Variants in VTI1A observed in about 807,000 individuals in gnomAD.
VTI1A encodes the protein vesicle transport through interaction with t-SNAREs 1A.
VTI1A carries 22 observed loss-of-function variants against 34.9 expected under a neutral mutation model. The ratio of observed to expected loss-of-function variants is 0.63; its 90% CI spans 0.45 to 0.90. The LOEUF is 0.90. VTI1A is among the 40% of genes least tolerant of loss of function. The pLI is 0.00. For synonymous variants in VTI1A, 87 were observed against 97.3 expected, an observed-to-expected ratio of 0.89 and a Z score of 0.62; for missense variants, 268 against 275.6, an observed-to-expected ratio of 0.97 and a Z score of 0.20.
At chr10:112,449,534 A>T (rs943122556) in intron 1 of VTI1A, 2 of 152,212 alleles carry the variant, frequency 1.3e-5, no homozygotes, top group Admixed American at 1.3e-4. Context: ...CAGACGGATC[A>T]CCTGAGGTCG....
chr10:112,830,835 ATATATATATATATAT>A, the VTI1A span, among the ~76,000 whole-genome samples: 1 of 45,756 alleles, frequency 2.2e-5, no homozygotes, highest in Admixed American at 2.8e-4. Flanking sequence ...ATATATATAT[ATATATATATATATAT>A]TTTTTTTTTT....
chr10:112,650,518 A>G (rs1564866478), intron 5 of VTI1A, among the ~76,000 whole-genome samples: 2 of 152,156 alleles, frequency 1.3e-5, no homozygotes, highest in African/African-American at 4.8e-5. Context: ...AAGCTATAGT[A>G]TAGTAAATTC....
intron 7 of VTI1A, among the ~76,000 whole-genome samples, chr10:112,739,167 G>A (rs1266267991): frequency 6.6e-6 from 1 of 152,142 alleles, no homozygotes; most frequent in Non-Finnish European, 1.5e-5. Flanking sequence ...TGTCCCCAGT[G>A]CTGTTTTCTC....
At chr10:112,600,745 G>A (rs1844847114) in intron 5 of VTI1A, among the ~76,000 whole-genome samples, 1 of 152,202 alleles carries the variant, frequency 6.6e-6, no homozygotes, top group African/African-American at 2.4e-5. Flanking sequence ...AACAGTGACT[G>A]ACAAAAGGTG....
chr10:112,747,979 G>A (rs942438313), intron 7 of VTI1A, among the ~76,000 whole-genome samples: 1 of 152,172 alleles, frequency 6.6e-6, no homozygotes, highest in Non-Finnish European at 1.5e-5. Flanking sequence ...AAAGCGGAGA[G>A]GAAGTGATGG....
chr10:112,598,238 C>T (rs1445224758), intron 5 of VTI1A, among the ~76,000 whole-genome samples: 1 of 152,176 alleles, frequency 6.6e-6, no homozygotes, highest in Non-Finnish European at 1.5e-5. Flanking sequence ...CTGTCTTCAG[C>T]TTAACCCCTT....
In VTI1A at chr10:112,510,614, C is replaced by T. The variant is rs1325172881; in HGVS notation, c.265-16473C>T. Among the ~76,000 whole-genome samples, 7 of 152,148 alleles carry T rather than the reference C, an allele frequency of 4.6e-5. No individual in the cohort carries two copies. In the South Asian group the frequency reaches 6.2e-4, roughly 14 times the overall value. ...CTGTGCCACTGGTCTCCAGCATGGACGACAGTGAGGCTTTGACTCAAAAAA... is the reference window on the plus strand; with the variant it reads ...CTGTGCCACTGGTCTCCAGCATGGATGACAGTGAGGCTTTGACTCAAAAAA... On this transcript the variant is annotated intron_variant, in intron 3 of 7. Transcript: ENST00000393077.
the VTI1A span, among the ~76,000 whole-genome samples, chr10:112,840,721 C>T: frequency 6.6e-6 from 1 of 152,120 alleles, no homozygotes; most frequent in African/African-American, 2.4e-5. Context: ...CAACTAGACC[C>T]CTGGGGGGAA....
intron 7 of VTI1A, among the ~76,000 whole-genome samples, chr10:112,805,102 G>A (rs1322352303): frequency 1.3e-5 from 2 of 151,518 alleles, no homozygotes; most frequent in African/African-American, 2.4e-5. Context: ...CTGCCCTCAA[G>A]CGATCCTCCC....
chr10:112,529,128 C>G (rs1239234442), intron 4 of VTI1A, among the ~76,000 whole-genome samples: 3 of 152,100 alleles, frequency 2.0e-5, no homozygotes, highest in Non-Finnish European at 2.9e-5. Flanking sequence ...ATGTAAGGAA[C>G]TGTCACTTCA....
the VTI1A span, chr10:112,831,185 G>A: frequency 1.3e-5 from 2 of 152,056 alleles, no homozygotes; most frequent in South Asian, 4.2e-4. Flanking sequence ...ATGAATGAAT[G>A]AATGAATGGG....
At position 112,816,444 on chromosome 10, in the gene VTI1A, C is replaced by T. The variant is rs1362222499; in HGVS notation, c.*1061C>T. On this transcript the variant is annotated 3_prime_UTR_variant, in exon 8 of 8. Transcript: ENST00000393077. ...AAGAATAGAGGATGGCAGATTGTTCCAAAAGGAATGGCTTGGGTTTTTAAC... is the reference window on the plus strand; with the variant it reads ...AAGAATAGAGGATGGCAGATTGTTCTAAAAGGAATGGCTTGGGTTTTTAAC... The T allele has an allele frequency of 4.5e-6, 1 of 224,626 alleles. No individual in the cohort carries two copies. Among genetic ancestry groups the T allele is most frequent in the Non-Finnish European group, 8.9e-6 (1 of 112,758 alleles). 13.9% of individuals were successfully genotyped at this position (224,626 alleles called of 1,614,324 possible).
intron 5 of VTI1A, among the ~76,000 whole-genome samples, chr10:112,610,635 G>A (rs61453266): frequency 0.022 from 3,339 of 152,192 alleles, 134 homozygotes; most frequent in African/African-American, 0.075. Flanking sequence ...AATTACATTC[G>A]GCCGGGCGCG....
intron 3 of VTI1A, among the ~76,000 whole-genome samples, chr10:112,477,198 C>T (rs766228138): frequency 6.6e-6 from 1 of 152,160 alleles, no homozygotes; most frequent in African/African-American, 2.4e-5. Context: ...GTTCCCAAAA[C>T]TGGATGAACT....
At chr10:112,545,597 C>T (rs1211922466) in intron 5 of VTI1A, among the ~76,000 whole-genome samples, 2 of 152,030 alleles carry the variant, frequency 1.3e-5, no homozygotes, top group South Asian at 2.1e-4. Flanking sequence ...TTCTTGCTAC[C>T]CAAAGTGGGG....
chr10:112,491,250 G>A lies in VTI1A; in HGVS notation c.264+26593G>A, dbSNP rs563384494. Among the ~76,000 whole-genome samples, 373 of 152,312 alleles carry A rather than the reference G, an allele frequency of 2.4e-3. 2 individuals carry two copies. The highest frequency in any genetic ancestry group is 8.6e-3 in the African/African-American group (357 of 41,582). On this transcript the variant is annotated intron_variant, in intron 3 of 7. Transcript: ENST00000393077. The stretch of plus-strand genomic sequence containing the variant: ...CATTCTATTTTGAGAGGAGATGATA[G>A]AGCATTTTTGTTTTAACAATCCTTG...
intron 7 of VTI1A, among the ~76,000 whole-genome samples, chr10:112,789,950 T>C (rs950374725): frequency 2.5e-5 from 3 of 117,872 alleles, no homozygotes; most frequent in African/African-American, 1.0e-4. Context: ...TTTTTTTCTT[T>C]CCTTTTTTTT....
chr10:112,666,463 T>G (rs1249978620), intron 5 of VTI1A, among the ~76,000 whole-genome samples: 2 of 152,178 alleles, frequency 1.3e-5, no homozygotes, highest in East Asian at 3.9e-4. Context: ...TTTAACTGCT[T>G]GTTCCTCAGT....
chr10:112,701,233 G>A (rs925235232), intron 7 of VTI1A, among the ~76,000 whole-genome samples: 6 of 152,114 alleles, frequency 3.9e-5, no homozygotes, highest in Non-Finnish European at 8.8e-5. Flanking sequence ...ATGTTAAATT[G>A]GTTTGGACCC....
Sources: gnomAD v4.1 joint callset for allele counts (sites outside exome capture counted in the v4.1 genomes callset) on GRCh38, gnomAD v4.1.1 for gene constraint, MANE v1.5 for transcripts, NCBI Gene and HGNC (gene_info 2026-07-23, HGNC 2026-07-21) for gene names.